The following TMPRSS11E variants were observed in gnomAD, a reference collection of about 807,000 sequenced individuals.
The protein encoded by TMPRSS11E is transmembrane serine protease 11E, also known as transmembrane protease serine 11E.
A neutral mutation model predicts 48.1 loss-of-function variants in TMPRSS11E; 38 were observed. The ratio of observed to expected loss-of-function variants is 0.79; its 90% CI spans 0.61 to 1.04. The LOEUF (loss-of-function observed/expected upper bound fraction) is 1.04, where lower values mean the gene tolerates loss of function less well. TMPRSS11E is among the 50% of genes least tolerant of loss of function. The pLI is 0.00. For missense variants in TMPRSS11E, 530 were observed against 510.8 expected (o/e 1.04, Z -0.36); for synonymous variants, 158 against 171.9 (o/e 0.92, Z 0.63).
At chr4:68,466,566 GA>G in intron 2 of TMPRSS11E, 64 bp from the exon 3 acceptor site, 1 of 1,565,606 alleles carries the variant, frequency 6.4e-7, no homozygotes, top group South Asian at 1.2e-5. Flanking sequence ...ACCAAGCGGG[GA>G]TATAATGATG....
intron 1 of TMPRSS11E, among the ~76,000 whole-genome samples, chr4:68,458,356 C>A (rs867704035): frequency 8.0e-6 from 1 of 124,864 alleles, no homozygotes; most frequent in Admixed American, 8.5e-5. Context: ...GCTAAAAAAA[C>A]AAAGCATACT....
intron 1 of TMPRSS11E, among the ~76,000 whole-genome samples, chr4:68,459,407 A>G (rs760470516): frequency 2.2e-4 from 34 of 152,212 alleles, no homozygotes; most frequent in Middle Eastern, 3.4e-3. Context: ...ACCATAAAAC[A>G]AACAAATCCA....
intron 3 of TMPRSS11E, among the ~76,000 whole-genome samples, chr4:68,467,730 T>C (rs1385167759): frequency 1.3e-5 from 2 of 152,168 alleles, no homozygotes; most frequent in Non-Finnish European, 2.9e-5. Flanking sequence ...GCTGAGACAG[T>C]GGTTGAATCC....
chr4:68,476,120 GA>G, intron 6 of TMPRSS11E, 140 bp from the exon 7 acceptor site: 1 of 1,112,770 alleles, frequency 9.0e-7, no homozygotes, highest in African/African-American at 1.6e-5. Flanking sequence ...ACAGTTTACA[GA>G]AAGGTAAGAG....
Position 68,496,996 on chromosome 4 carries a change from C to A in TMPRSS11E, c.*192C>A. ...CATAAGCATCCTGCTTCTGCCAGATCAACTCTGTCATCTGTGAGCAATAGT... is the reference window on the plus strand; with the variant it reads ...CATAAGCATCCTGCTTCTGCCAGATAAACTCTGTCATCTGTGAGCAATAGT... On this transcript the variant is annotated 3_prime_UTR_variant, in exon 10 of 10. Coordinates refer to ENST00000305363, the MANE Select transcript of TMPRSS11E (RefSeq NM_014058.4). 1.8e-6 allele frequency: 1 copy of A among 547,838 alleles called. No homozygotes were observed. The allele number at this position is 547,838 out of a possible 1,614,324, so 33.9% of individuals were successfully genotyped here. A position where few individuals can be genotyped will look rare whatever the true frequency, so the allele number is the denominator to read the frequency against.
intron 9 of TMPRSS11E, 35 bp from the exon 10 acceptor site, chr4:68,496,608 A>T (rs778575302): frequency 1.6e-5 from 26 of 1,590,690 alleles, no homozygotes; most frequent in Non-Finnish European, 2.1e-5. Context: ...TAATGAACTG[A>T]ATTATGAATT....
At chr4:68,467,533 T>C (rs1728959617) in intron 3 of TMPRSS11E, among the ~76,000 whole-genome samples, 1 of 152,216 alleles carries the variant, frequency 6.6e-6, no homozygotes, top group Non-Finnish European at 1.5e-5. Context: ...CAATGGTATC[T>C]ACTAGGTAAT....
intron 6 of TMPRSS11E, 67 bp from the exon 7 acceptor site, chr4:68,476,194 A>G: frequency 6.2e-7 from 1 of 1,602,526 alleles, no homozygotes. Context: ...ATAGTAACAC[A>G]ATTTGATGTG....
chr4:68,448,554 A>T (rs1332067630), intron 1 of TMPRSS11E, among the ~76,000 whole-genome samples: 1 of 151,956 alleles, frequency 6.6e-6, no homozygotes, highest in Non-Finnish European at 1.5e-5. Flanking sequence ...TAAACTTAAC[A>T]TACTAAATAG....
At chr4:68,469,676 T>C (rs1729011875) in intron 4 of TMPRSS11E, among the ~76,000 whole-genome samples, 1 of 151,956 alleles carries the variant, frequency 6.6e-6, no homozygotes, top group Non-Finnish European at 1.5e-5. Flanking sequence ...CTCTTATCTT[T>C]AAGTTTCACT....
At chr4:68,487,464 C>G (rs1729590564) in intron 9 of TMPRSS11E, among the ~76,000 whole-genome samples, 1 of 151,848 alleles carries the variant, frequency 6.6e-6, no homozygotes, top group Non-Finnish European at 1.5e-5. Context: ...GTTGGCCAGG[C>G]TGGTCTTGAA....
intron 2 of TMPRSS11E, among the ~76,000 whole-genome samples, chr4:68,463,258 A>T (rs1728842423): frequency 6.6e-6 from 1 of 152,160 alleles, no homozygotes; most frequent in South Asian, 2.1e-4. Context: ...GCAAGTCTTT[A>T]AATTTGGAGT....
chr4:68,483,478 G>A (rs1180555337), intron 9 of TMPRSS11E, among the ~76,000 whole-genome samples: 1 of 152,254 alleles, frequency 6.6e-6, no homozygotes, highest in Non-Finnish European at 1.5e-5. Context: ...AAAGGGAGTT[G>A]TTTGTTTTTT....
In TMPRSS11E at chr4:68,450,950, C is replaced by T. The variant is rs151211685; in HGVS notation, c.11+3427C>T. Among the ~76,000 whole-genome samples, 457 of 152,000 alleles carry T rather than the reference C, an allele frequency of 3.0e-3. 5 individuals are homozygous for T. Among genetic ancestry groups the T allele is most frequent in the African/African-American group, 0.01 (429 of 41,512 alleles). On this transcript the variant is annotated intron_variant, in intron 1 of 9. Coordinates refer to ENST00000305363, the MANE Select transcript of TMPRSS11E (RefSeq NM_014058.4). ...GTCTGCTAAATGAATCTTTGTTGTT[C>T]TGTCATTGTTGTCTGCTTTCCTCCA...
At chr4:68,477,253 C>T in intron 7 of TMPRSS11E, 116 bp from the exon 8 acceptor site, 2 of 1,039,520 alleles carry the variant, frequency 1.9e-6, no homozygotes, top group South Asian at 3.4e-5. Context: ...GAGTTCTATA[C>T]ATCAAAACTA....
rs1560554546 is a variant in TMPRSS11E, at chr4:68,476,246, C to CT, written c.530-14dup. 6.2e-7 allele frequency: 1 copy of CT among 1,613,562 alleles called. No individual in the cohort carries two copies. The highest frequency in any genetic ancestry group is 1.7e-5 in the Admixed American group (1 of 60,020). ...TAATGCACCCACCAATGCACCCCCC[C>CT]TCTCTCTTTTGCAGGCTGCGGAACA... On this transcript the variant is annotated splice_polypyrimidine_tract_variant and intron_variant, in intron 6 of 9. Transcript: ENST00000305363.
At chr4:68,473,069 G>A (rs539915614) in intron 5 of TMPRSS11E, among the ~76,000 whole-genome samples, 2 of 152,068 alleles carry the variant, frequency 1.3e-5, no homozygotes, top group Middle Eastern at 3.4e-3. Context: ...TAGTACAAAA[G>A]GCTAATGACT....
chr4:68,455,416 G>A (rs1048242982), intron 1 of TMPRSS11E, among the ~76,000 whole-genome samples: 3 of 151,918 alleles, frequency 2.0e-5, no homozygotes, highest in African/African-American at 7.2e-5. Context: ...GGGCTCAGGG[G>A]ATGCTGGAAC....
rs779306840 is a variant in TMPRSS11E, at chr4:68,471,510, A to G, written c.377A>G (p.His126Arg). The change falls in exon 5 of 10, where the codon CAC becomes CGC. Residue 126 changes from histidine to arginine, a missense_variant. By Grantham distance (29) the His-to-Arg change is conservative. Coordinates refer to ENST00000305363, the MANE Select transcript of TMPRSS11E (RefSeq NM_014058.4). ...LAHMLLICRF[H>R]STEDPETVDK... ...CATATGCTGTTGATTTGTAGATTTC[A>G]CTCTACTGAGGATCCTGAAACTGTA... 50 of 1,603,302 alleles carry G rather than the reference A, an allele frequency of 3.1e-5. No individual in the cohort carries two copies. The highest frequency in any genetic ancestry group is 4.0e-5 in the Non-Finnish European group (47 of 1,175,892).
Sources: allele counts gnomAD v4.1 joint callset (sites outside exome capture counted in the v4.1 genomes callset), GRCh38; gene constraint gnomAD v4.1.1; transcripts MANE v1.5; gene names NCBI Gene and HGNC (gene_info 2026-07-23, HGNC 2026-07-21).